The following PCDH7 variants were observed in gnomAD, a reference collection of about 807,000 sequenced individuals.
The protein encoded by PCDH7 is protocadherin-7.
Under a neutral mutation model 58.9 loss-of-function variants are expected in PCDH7, and 17 were observed. The ratio of observed to expected loss-of-function variants is 0.29; its 90% CI spans 0.20 to 0.43. The LOEUF is 0.43. Ranked by LOEUF, PCDH7 falls within the 20% of genes least tolerant of loss-of-function variation. PCDH7 has a pLI of 1.00. For missense variants in PCDH7, 1,274 were observed against 1,441.0 expected (o/e 0.88, Z 1.88); for synonymous variants, 664 against 616.4 (o/e 1.08, Z -1.14).
At chr4:30,807,620 T>A (rs1045776543) in intron 1 of PCDH7, among the ~76,000 whole-genome samples, 2 of 152,210 alleles carry the variant, frequency 1.3e-5, no homozygotes, top group African/African-American at 4.8e-5. Flanking sequence ...CTTAAAATTT[T>A]AAGGTAAAAT....
chr4:30,846,279 G>A (rs1731935115), intron 1 of PCDH7, among the ~76,000 whole-genome samples: 1 of 152,070 alleles, frequency 6.6e-6, no homozygotes, highest in African/African-American at 2.4e-5. Context: ...TTGCCCTCAT[G>A]AATGGATTCA....
chr4:30,916,837 G>A (rs1742531495), intron 1 of PCDH7, among the ~76,000 whole-genome samples: 1 of 152,072 alleles, frequency 6.6e-6, no homozygotes, highest in Admixed American at 6.6e-5. Context: ...ATCAGCTGGG[G>A]ATTTTTAAAA....
intron 3 of PCDH7, among the ~76,000 whole-genome samples, chr4:31,074,981 A>G (rs1758866171): frequency 6.6e-6 from 1 of 151,916 alleles, no homozygotes; most frequent in African/African-American, 2.4e-5. Context: ...CTTCTAATCT[A>G]CAAAGTACTT....
intron 3 of PCDH7, among the ~76,000 whole-genome samples, chr4:31,019,659 A>T (rs1018763812): frequency 2.6e-5 from 4 of 151,584 alleles, no homozygotes; most frequent in Non-Finnish European, 4.4e-5. Context: ...ATTAAACTCC[A>T]GCCTGGGGAC....
At chr4:30,743,170 G>T (rs947473936) in intron 1 of PCDH7, among the ~76,000 whole-genome samples, 1 of 152,080 alleles carries the variant, frequency 6.6e-6, no homozygotes, top group Non-Finnish European at 1.5e-5. Flanking sequence ...CTGAAGCTAA[G>T]TATTTTCCTA....
intron 3 of PCDH7, among the ~76,000 whole-genome samples, chr4:31,076,329 A>G (rs1177798600): frequency 6.6e-6 from 1 of 152,228 alleles, no homozygotes; most frequent in African/African-American, 2.4e-5. Flanking sequence ...ATTTTAATTC[A>G]TGCTTTATTT....
intron 3 of PCDH7, among the ~76,000 whole-genome samples, chr4:31,044,881 T>G (rs1193577404): frequency 6.6e-6 from 1 of 152,068 alleles, no homozygotes; most frequent in African/African-American, 2.4e-5. Context: ...TTTTCCCAAG[T>G]TGAAACACAA....
intron 1 of PCDH7, among the ~76,000 whole-genome samples, chr4:30,801,377 G>A (rs927269593): frequency 1.3e-5 from 2 of 151,948 alleles, no homozygotes; most frequent in Non-Finnish European, 2.9e-5. Flanking sequence ...AAAAACAGAA[G>A]GCAGAATGCT....
At chr4:30,984,096 C>T (rs1400491799) in intron 3 of PCDH7, among the ~76,000 whole-genome samples, 2 of 152,134 alleles carry the variant, frequency 1.3e-5, no homozygotes, top group Non-Finnish European at 2.9e-5. Flanking sequence ...ATTAGTAAAA[C>T]ACATTCCAAA....
intron 3 of PCDH7, among the ~76,000 whole-genome samples, chr4:30,999,067 C>T (rs1479549376): frequency 6.6e-6 from 1 of 152,040 alleles, no homozygotes; most frequent in Non-Finnish European, 1.5e-5. Flanking sequence ...TGTGATGGAG[C>T]AGAAAGAGCC....
At chr4:30,761,217 A>G (rs1429140651) in intron 1 of PCDH7, among the ~76,000 whole-genome samples, 1 of 152,194 alleles carries the variant, frequency 6.6e-6, no homozygotes, top group Non-Finnish European at 1.5e-5. Flanking sequence ...TCTTACCTGC[A>G]AAAGATTCAC....
chr4:30,906,675 A>G (rs1740971940), intron 1 of PCDH7, among the ~76,000 whole-genome samples: 1 of 152,232 alleles, frequency 6.6e-6, no homozygotes, highest in South Asian at 2.1e-4. Flanking sequence ...TTGATATATT[A>G]GAAAAGTGCT....
At chr4:30,886,682 A>C (rs1737839317) in intron 1 of PCDH7, among the ~76,000 whole-genome samples, 1 of 151,486 alleles carries the variant, frequency 6.6e-6, no homozygotes, top group Admixed American at 6.6e-5. Context: ...ACGTATGTTT[A>C]TTGCGGCATT....
At chr4:31,142,565 C>T (rs200731135) in exon 4 of PCDH7, 209 of 1,367,590 alleles carry the variant, frequency 1.5e-4, no homozygotes, top group Non-Finnish European at 1.9e-4. Flanking sequence ...GATGCCGGTC[C>T]GCACTTCTCC....
At chr4:31,068,406 A>T (rs924677533) in intron 3 of PCDH7, among the ~76,000 whole-genome samples, 1 of 152,034 alleles carries the variant, frequency 6.6e-6, no homozygotes, top group Non-Finnish European at 1.5e-5. Flanking sequence ...GCACAGCAAG[A>T]TGACTCGTAA....
At position 31,053,564 on chromosome 4, in the gene PCDH7, G is replaced by A. The variant is rs544949805; in HGVS notation, c.*8-88909G>A. Among the ~76,000 whole-genome samples, 3 of 152,142 alleles carry A rather than the reference G, an allele frequency of 2.0e-5. No homozygotes were observed. In the South Asian group the frequency reaches 6.2e-4, roughly 32 times the overall value. ...AGCCTGGCCAACACAGTGAGATCCTGTCCCTACAAAAAATGAAAATAAAAA... is the reference window on the plus strand; with the variant it reads ...AGCCTGGCCAACACAGTGAGATCCTATCCCTACAAAAAATGAAAATAAAAA... On this transcript the variant is annotated intron_variant, in intron 3 of 3. Coordinates refer to the PCDH7 transcript ENST00000509759.
intron 1 of PCDH7, among the ~76,000 whole-genome samples, chr4:30,843,952 A>T (rs1363308406): frequency 1.3e-5 from 2 of 152,206 alleles, no homozygotes; most frequent in Non-Finnish European, 2.9e-5. Context: ...AAAAGAAAAA[A>T]AAGTCATAGT....
At chr4:30,915,140 C>T (rs998227930) in intron 1 of PCDH7, among the ~76,000 whole-genome samples, 2 of 152,154 alleles carry the variant, frequency 1.3e-5, no homozygotes, top group African/African-American at 4.8e-5. Flanking sequence ...AGCAAAACTT[C>T]TTCAGTGCCA....
At chr4:30,757,796 C>T (rs2109265286) in intron 1 of PCDH7, among the ~76,000 whole-genome samples, 1 of 152,260 alleles carries the variant, frequency 6.6e-6, no homozygotes, top group Non-Finnish European at 1.5e-5. Flanking sequence ...TCTAATTTAT[C>T]ACTGAATACC....
Sources: gnomAD v4.1 joint callset for allele counts (sites outside exome capture counted in the v4.1 genomes callset) on GRCh38, gnomAD v4.1.1 for gene constraint, MANE v1.5 for transcripts, NCBI Gene and HGNC (gene_info 2026-07-23, HGNC 2026-07-21) for gene names.